ERRFI1: variants seen among roughly 807,000 people sequenced by gnomAD.
The protein encoded by ERRFI1 is ERBB receptor feedback inhibitor 1.
In ERRFI1, 12 loss-of-function variants were observed where a neutral mutation model predicts 14.6. The observed-to-expected ratio is 0.82, with a 90% CI of 0.53 to 1.33. The LOEUF (loss-of-function observed/expected upper bound fraction) is 1.33, where lower values mean the gene tolerates loss of function less well. Among genes scored for constraint, ERRFI1 ranks in the 40% most tolerant of loss-of-function variants. ERRFI1 has a pLI of 0.00. For synonymous variants in ERRFI1, 202 were observed against 209.9 expected (o/e 0.96, Z 0.32); for missense variants, 482 against 572.1 (o/e 0.84, Z 1.61).
Position 8,012,357 on chromosome 1 carries a change from C to T in ERRFI1, c.*853G>A. Reference sequence around the variant, plus strand: ...TTATTTTGTAAAACTGACATCCTAACACTGGCACCTAGAATACTTTTCCAT... The same window carrying T: ...TTATTTTGTAAAACTGACATCCTAATACTGGCACCTAGAATACTTTTCCAT... On this transcript the variant is annotated 3_prime_UTR_variant, in exon 4 of 4. Transcript: ENST00000377482. 4.3e-6 allele frequency: 1 copy of T among 230,430 alleles called. No homozygotes were observed. Among genetic ancestry groups the T allele is most frequent in the Non-Finnish European group, 8.6e-6 (1 of 115,932 alleles). The allele number at this position is 230,430 out of a possible 1,614,324, so 14.3% of individuals were successfully genotyped here. A position where few individuals can be genotyped will look rare whatever the true frequency, so the allele number is the denominator to read the frequency against.
intron 1 of ERRFI1, among the ~76,000 whole-genome samples, chr1:8,018,026 G>A (rs1641207269): frequency 6.6e-6 from 1 of 152,064 alleles, no homozygotes; most frequent in Admixed American, 6.6e-5. Flanking sequence ...AAAGAATTGT[G>A]TTCACTAAGC....
intron 1 of ERRFI1, among the ~76,000 whole-genome samples, chr1:8,016,973 G>A (rs1470954314): frequency 6.7e-6 from 1 of 149,444 alleles, no homozygotes; most frequent in African/African-American, 2.5e-5. Flanking sequence ...CCTCCTACTA[G>A]ACTAAGCTCA....
intron 1 of ERRFI1, among the ~76,000 whole-genome samples, chr1:8,016,877 T>C (rs560568776): frequency 5.9e-5 from 9 of 152,048 alleles, no homozygotes; most frequent in Non-Finnish European, 1.2e-4. Context: ...TGTGACACAT[T>C]TGCTGTGGGG....
intron 1 of ERRFI1, among the ~76,000 whole-genome samples, chr1:8,019,068 T>G (rs1185702929): frequency 6.6e-6 from 1 of 152,180 alleles, no homozygotes; most frequent in Non-Finnish European, 1.5e-5. Context: ...CCATGTACAT[T>G]CAATTGCCAA....
At chr1:8,016,572 G>C (rs1641177135) in intron 1 of ERRFI1, among the ~76,000 whole-genome samples, 1 of 152,184 alleles carries the variant, frequency 6.6e-6, no homozygotes, top group Non-Finnish European at 1.5e-5. Flanking sequence ...TACAGGTCTG[G>C]AGTCCCTATA....
At position 8,015,320 on chromosome 1, in the gene ERRFI1, G is replaced by T; in HGVS notation, c.190C>A (p.Leu64Ile). 3 of 1,614,062 alleles carry T rather than the reference G, an allele frequency of 1.9e-6. No individual in the cohort carries two copies. Among genetic ancestry groups the T allele is most frequent in the Non-Finnish European group, 2.5e-6 (3 of 1,179,902 alleles). Residue 64 changes from leucine (L) to isoleucine (I), a missense_variant, in exon 3 of 4, where the codon CTA (leucine) becomes ATA (isoleucine). Leu to Ile is a conservative substitution (Grantham distance 5). Coordinates refer to ENST00000377482, the MANE Select transcript of ERRFI1 (RefSeq NM_018948.4). ...YSLNSSAQER[L>I]IPLGHASKSA... ...TCAGAATACATACCAAGTGGTATTAGGCGCTCCTGAGCAGAAGAGTTCAGA... is the reference window on the plus strand; with the variant it reads ...TCAGAATACATACCAAGTGGTATTATGCGCTCCTGAGCAGAAGAGTTCAGA...
In ERRFI1 at chr1:8,012,261, T is replaced by TA. The variant is rs878987490; in HGVS notation, c.*948dup. On this transcript the variant is annotated 3_prime_UTR_variant, in exon 4 of 4. Coordinates refer to ENST00000377482, the MANE Select transcript of ERRFI1 (RefSeq NM_018948.4). ...GTGTTGTATGTTTATTAATACAGTC[T>TA]AAAAAAAAAAAGCAAAACCACAACA... The TA allele has an allele frequency of 8.2e-3, 1,634 of 198,890 alleles. No homozygotes were observed. The highest frequency in any genetic ancestry group is 0.018 in the Middle Eastern group (11 of 614). The allele number at this position is 198,890 out of a possible 1,614,324, so 12.3% of individuals were successfully genotyped here.
intron 1 of ERRFI1, among the ~76,000 whole-genome samples, chr1:8,023,724 A>G (rs975352376): frequency 6.6e-6 from 1 of 152,226 alleles, no homozygotes; most frequent in Admixed American, 6.5e-5. Flanking sequence ...ACCTTCTGAA[A>G]TCTGAACCCC....
intron 1 of ERRFI1, among the ~76,000 whole-genome samples, chr1:8,023,181 T>G (rs1468143464): frequency 2.0e-5 from 3 of 152,212 alleles, no homozygotes; most frequent in Non-Finnish European, 2.9e-5. Flanking sequence ...TCTGGGGTAT[T>G]GAATAAGAGC....
In ERRFI1 at chr1:8,013,439, T is replaced by C. The variant is rs780291665; in HGVS notation, c.1160A>G (p.Lys387Arg). Residue 387 changes from lysine to arginine, a missense_variant, in exon 4 of 4, where the codon AAG becomes AGG. Coordinates refer to ENST00000377482, the MANE Select transcript of ERRFI1 (RefSeq NM_018948.4). This position sits in a 1 kb window ranked among gnomAD's most constrained non-coding sequence, Gnocchi z 4.3. ...GTAATAATGTGTTGAACTAACCTTC[T>C]TCCCATTTTCAATAATGGGCAGAAT... ...PCILPIIENG[K>R]KVSSTHYYLL... 2 of 1,614,118 alleles carry C rather than the reference T, an allele frequency of 1.2e-6. No homozygotes were observed. The highest frequency in any genetic ancestry group is 2.7e-5 in the African/African-American group (2 of 74,926).
At position 8,013,956 on chromosome 1, in the gene ERRFI1, G is replaced by T; in HGVS notation, c.643C>A (p.Pro215Thr). 6.2e-7 allele frequency: 1 copy of T among 1,614,134 alleles called. No individual in the cohort carries two copies. The highest frequency in any genetic ancestry group is 8.5e-7 in the Non-Finnish European group (1 of 1,180,026). Residue 215 changes from proline to threonine, a missense_variant, in exon 4 of 4, where the codon CCA becomes ACA. Coordinates refer to ENST00000377482, the MANE Select transcript of ERRFI1 (RefSeq NM_018948.4). This position sits in a 1 kb window ranked among gnomAD's most constrained non-coding sequence, Gnocchi z 4.3. ...GQINYAYFDT[P>T]AVSAADLSYV... ...CTGAGATCTGCTGCAGAAACAGCTG[G>T]GGTATCAAAATATGCATAGTTGATT...
chr1:8,021,540 C>T (rs1208619883), intron 1 of ERRFI1, among the ~76,000 whole-genome samples: 4 of 152,108 alleles, frequency 2.6e-5, no homozygotes, highest in East Asian at 1.9e-4. Context: ...CTAAAGACAA[C>T]GAGCACAATG....
chr1:8,018,596 T>C (rs1641233227), intron 1 of ERRFI1, among the ~76,000 whole-genome samples: 1 of 152,168 alleles, frequency 6.6e-6, no homozygotes, highest in East Asian at 1.9e-4. Context: ...GGAAAGCGAA[T>C]GTGAATCCAG....
At chr1:8,021,306 C>T (rs1641271477) in intron 1 of ERRFI1, among the ~76,000 whole-genome samples, 1 of 152,146 alleles carries the variant, frequency 6.6e-6, no homozygotes, top group Non-Finnish European at 1.5e-5. Flanking sequence ...AAACCCATTC[C>T]CTCAACTACC....
chr1:8,017,584 T>C (rs911651534), intron 1 of ERRFI1, among the ~76,000 whole-genome samples: 9 of 152,244 alleles, frequency 5.9e-5, no homozygotes, highest in African/African-American at 1.4e-4. Flanking sequence ...CAGTGGTTTA[T>C]CAAGCTTTTT....
chr1:8,024,348 A>G (rs746211099), intron 1 of ERRFI1, among the ~76,000 whole-genome samples: 1 of 152,242 alleles, frequency 6.6e-6, no homozygotes, highest in Non-Finnish European at 1.5e-5. Context: ...TTTACCCGTC[A>G]AAAATATCAA....
chr1:8,023,479 A>G (rs1641300800), intron 1 of ERRFI1, among the ~76,000 whole-genome samples: 1 of 152,086 alleles, frequency 6.6e-6, no homozygotes, highest in Non-Finnish European at 1.5e-5. Flanking sequence ...GGGTTTCACC[A>G]TGTTGCCCAG....
intron 1 of ERRFI1, among the ~76,000 whole-genome samples, chr1:8,020,669 C>G (rs1017329475): frequency 6.6e-6 from 1 of 151,776 alleles, no homozygotes; most frequent in Non-Finnish European, 1.5e-5. Context: ...CTCAGCCTCC[C>G]GAGTAGCTGG....
At position 8,013,370 on chromosome 1, in the gene ERRFI1, A is replaced by G. The variant is rs1557463234; in HGVS notation, c.1229T>C (p.Phe410Ser). 2 of 1,614,186 alleles carry G rather than the reference A, an allele frequency of 1.2e-6. No homozygotes were observed. Among genetic ancestry groups the G allele is most frequent in the Non-Finnish European group, 1.7e-6 (2 of 1,180,050 alleles). The change falls in exon 4 of 4, where the codon TTT becomes TCT. Residue 410 changes from phenylalanine (F) to serine (S), a missense_variant. By Grantham distance (155) the Phe-to-Ser change is radical. Transcript: ENST00000377482. This position sits in a 1 kb window ranked among gnomAD's most constrained non-coding sequence, Gnocchi z 4.3. Reference protein sequence around the residue: ...RPPYLDKYEKFFREAEETNGG... With the variant: ...RPPYLDKYEKSFREAEETNGG... ...ATTTGTTTCTTCTGCTTCCCTAAAA[A>G]ATTTTTCATATTTGTCCAGGTATGG...
Sources: allele counts gnomAD v4.1 joint callset (sites outside exome capture counted in the v4.1 genomes callset), GRCh38; gene constraint gnomAD v4.1.1; non-coding constraint Gnocchi (gnomAD v3.1); transcripts MANE v1.5; gene names NCBI Gene and HGNC (gene_info 2026-07-23, HGNC 2026-07-21).